EP300: variants seen among roughly 807,000 people sequenced by gnomAD.
EP300 encodes histone acetyltransferase p300.
In EP300, 31 loss-of-function variants were observed where a neutral mutation model predicts 264.0. That is an observed-to-expected ratio of 0.12 (90% confidence interval 0.09 to 0.16). EP300 has a LOEUF of 0.16. Among genes scored for constraint, EP300 ranks in the 10% least tolerant of loss-of-function variants. The pLI is 1.00. For synonymous variants in EP300, 1,340 were observed against 1,045.4 expected, an observed-to-expected ratio of 1.28 and a Z score of -5.44; for missense variants, 2,766 against 3,052.9, an observed-to-expected ratio of 0.91 and a Z score of 2.21.
intron 2 of EP300, among the ~76,000 whole-genome samples, chr22:41,125,337 C>T (rs1204279163): frequency 6.6e-6 from 1 of 151,862 alleles, no homozygotes; most frequent in Admixed American, 6.6e-5. Context: ...CCAGGATAGT[C>T]TCTATCTCCT....
intron 1 of EP300, among the ~76,000 whole-genome samples, chr22:41,114,542 ACTCTGGACTCTAAATTATGCCCTGAGAT>A (rs1569088904): frequency 6.6e-6 from 1 of 151,854 alleles, no homozygotes; most frequent in Admixed American, 6.6e-5. Context: ...ATTCTGTAAA[ACTCTGGACTCTAAATTATGCCCTGAGAT>A]CTTGGGATAC....
chr22:41,135,864 T>G lies in EP300; in HGVS notation c.1580T>G (p.Leu527Arg), dbSNP rs1194977637. The G allele has an allele frequency of 6.2e-7, 1 of 1,614,050 alleles. No homozygotes were observed. Among genetic ancestry groups the G allele is most frequent in the Non-Finnish European group, 8.5e-7 (1 of 1,180,016 alleles). Residue 527 changes from leucine (L) to arginine (R), a missense_variant, in exon 7 of 31, where the codon CTT becomes CGT. Transcript: ENST00000263253. ...GGTGTAGGAGTTCAAACGCCGAGTC[T>G]TCTTTCTGACTCAATGTTGCATTCA... The part of the protein sequence containing the change: ...NGGVGVQTPS[L>R]LSDSMLHSAI...
At chr22:41,097,042 T>C (rs527358977) in intron 1 of EP300, among the ~76,000 whole-genome samples, 12 of 152,392 alleles carry the variant, frequency 7.9e-5, no homozygotes, top group Admixed American at 4.6e-4. Context: ...TATTTTATTT[T>C]GGCTTGAATG....
chr22:41,153,002 C>T (rs566588292), intron 16 of EP300, among the ~76,000 whole-genome samples: 6 of 152,140 alleles, frequency 3.9e-5, no homozygotes, highest in Admixed American at 6.5e-5. Context: ...GTGATCCACC[C>T]GCTTCGAGCT....
rs549687376 is a variant in EP300 at position 41,137,870 on chromosome 22, C to G, written c.1760+80C>G. On this transcript the variant is annotated intron_variant, in intron 8 of 30. Transcript: ENST00000263253. ...TTTCAATCTCCTGGGCATTTAATTACTAAAGGAATATTAGCAATTTTTCTG... is the reference window on the plus strand; with the variant it reads ...TTTCAATCTCCTGGGCATTTAATTAGTAAAGGAATATTAGCAATTTTTCTG... The G allele has an allele frequency of 2.1e-5, 33 of 1,594,866 alleles. No homozygotes were observed. In the South Asian group the frequency reaches 3.3e-4, roughly 16 times the overall value.
At chr22:41,175,918 C>G (rs1057217601) in intron 29 of EP300, 1 of 353,262 alleles carries the variant, frequency 2.8e-6, no homozygotes, top group South Asian at 3.0e-5. Context: ...ACTCAGCATT[C>G]GCCAGTCTCA....
chr22:41,113,161 C>CCCCT (rs1399192893), intron 1 of EP300, among the ~76,000 whole-genome samples: 3 of 137,548 alleles, frequency 2.2e-5, no homozygotes, highest in East Asian at 2.3e-4. Context: ...GATTCCACCC[C>CCCCT]CCCCCCAACT....
chr22:41,122,103 A>G (rs1009885569), intron 2 of EP300, among the ~76,000 whole-genome samples: 1 of 149,558 alleles, frequency 6.7e-6, no homozygotes, highest in Non-Finnish European at 1.5e-5. Context: ...TGCCCCTGCA[A>G]TCTTTTGGCC....
intron 1 of EP300, among the ~76,000 whole-genome samples, chr22:41,097,166 C>T (rs2058707026): frequency 6.6e-6 from 1 of 152,166 alleles, no homozygotes; most frequent in South Asian, 2.1e-4. Context: ...TTAAGTTTTT[C>T]TGGCAATTAT....
At chr22:41,108,954 A>G (rs947549994) in intron 1 of EP300, among the ~76,000 whole-genome samples, 2 of 152,048 alleles carry the variant, frequency 1.3e-5, no homozygotes, top group Non-Finnish European at 2.9e-5. Flanking sequence ...AAATATCTTA[A>G]GAGCTCACCT....
chr22:41,173,930 G>C, intron 29 of EP300, 146 bp downstream of exon 29: 1 of 915,840 alleles, frequency 1.1e-6, no homozygotes, highest in Non-Finnish European at 1.7e-6. Flanking sequence ...TGACCAACAC[G>C]GTGAAACCTT....
chr22:41,149,009 T>C, intron 12 of EP300, 29 bp from the exon 13 acceptor site: 8 of 1,612,678 alleles, frequency 5.0e-6, no homozygotes, highest in South Asian at 1.1e-5. Context: ...TGAAGCAGTT[T>C]GGTGATTTGT....
At chr22:41,095,684 A>C (rs2058698458) in intron 1 of EP300, among the ~76,000 whole-genome samples, 1 of 152,112 alleles carries the variant, frequency 6.6e-6, no homozygotes, top group African/African-American at 2.4e-5. Context: ...TATTTTATAA[A>C]TGTGAAAGAA....
Position 41,176,811 on chromosome 22 carries a change from C to T in EP300, c.5100C>T (p.Asn1700=), listed in dbSNP as rs1292894731. ...GTATCACCTGCTATAACACTAAAAACCATGACCACAAAATGGAGAAACTAG... is the reference window on the plus strand; with the variant it reads ...GTATCACCTGCTATAACACTAAAAATCATGACCACAAAATGGAGAAACTAG... The part of the protein sequence containing the change: ...DLCITCYNTK[N]HDHKMEKLGL... Residue 1700 remains asparagine (N), a synonymous_variant, in exon 31 of 31, where the codon AAC becomes AAT. Transcript: ENST00000263253. 4.3e-6 allele frequency: 7 copies of T among 1,614,176 alleles called. No individual in the cohort carries two copies. Among genetic ancestry groups the T allele is most frequent in the African/African-American group, 1.3e-5 (1 of 75,040 alleles).
chr22:41,107,454 A>G (rs2145683965), intron 1 of EP300, among the ~76,000 whole-genome samples: 1 of 152,012 alleles, frequency 6.6e-6, no homozygotes, highest in South Asian at 2.1e-4. Context: ...TGTGAGAGAT[A>G]CTAATATAGT....
intron 1 of EP300, among the ~76,000 whole-genome samples, 171 bp downstream of exon 1, chr22:41,093,269 C>G (rs929740233): frequency 6.6e-6 from 1 of 152,090 alleles, no homozygotes; most frequent in African/African-American, 2.4e-5. Flanking sequence ...CAACCATTTT[C>G]TTTGCCTCCT....
chr22:41,173,386 C>T (rs936600438), intron 28 of EP300, among the ~76,000 whole-genome samples: 1 of 152,230 alleles, frequency 6.6e-6, no homozygotes, highest in South Asian at 2.1e-4. Context: ...TCTGCACATT[C>T]TGTGGCCTCT....
In EP300 at chr22:41,093,531, C is replaced by G. The variant is rs2058685948; in HGVS notation, c.94+433C>G. ...TCTACTTTCCACTCTTCGAAATTTT[C>G]TCTCCTTTGCAGAATATTTTCTGTT... is the stretch of plus-strand genomic sequence containing the variant. On this transcript the variant is annotated intron_variant, in intron 1 of 30. Transcript: ENST00000263253. Among the ~76,000 whole-genome samples the G allele has an allele frequency of 2.0e-5, 3 of 152,238 alleles. No individual in the cohort carries two copies. The South Asian group carries it at 6.2e-4, about 32-fold the overall frequency.
chr22:41,179,896 A>G lies in EP300; in HGVS notation c.*940A>G. 1 of 170,572 alleles carries G rather than the reference A, an allele frequency of 5.9e-6. No homozygotes were observed. Among genetic ancestry groups the G allele is most frequent in the Non-Finnish European group, 1.2e-5 (1 of 81,780 alleles). The allele number at this position is 170,572 out of a possible 1,614,324, so 10.6% of individuals were successfully genotyped here. The stretch of plus-strand genomic sequence containing the variant: ...ACCCCCCACTCACACACACACACAC[A>G]CACACACACACACACACACACACAC... On this transcript the variant is annotated 3_prime_UTR_variant, in exon 31 of 31. Transcript: ENST00000263253.
Sources: gnomAD v4.1 joint callset for allele counts (sites outside exome capture counted in the v4.1 genomes callset) on GRCh38, gnomAD v4.1.1 for gene constraint, MANE v1.5 for transcripts, NCBI Gene and HGNC (gene_info 2026-07-23, HGNC 2026-07-21) for gene names.